The following AKAP7 variants were observed in gnomAD, a reference collection of about 807,000 sequenced individuals.
AKAP7 encodes A-kinase anchoring protein 7.
In AKAP7, 39 loss-of-function variants were observed where a neutral mutation model predicts 39.5. The ratio of observed to expected loss-of-function variants is 0.99; its 90% CI spans 0.76 to 1.29. The LOEUF (loss-of-function observed/expected upper bound fraction) is 1.29, where lower values mean the gene tolerates loss of function less well. Among genes scored for constraint, AKAP7 ranks in the 50% most tolerant of loss-of-function variants. The pLI is 0.00. For missense variants in AKAP7, 414 were observed against 407.7 expected (o/e 1.02, Z -0.13); for synonymous variants, 140 against 139.1 (o/e 1.01, Z -0.05).
At chr6:131,271,789 T>C (rs1366095617) in intron 7 of AKAP7, among the ~76,000 whole-genome samples, 3 of 152,174 alleles carry the variant, frequency 2.0e-5, no homozygotes, top group Non-Finnish European at 4.4e-5. Context: ...CTGTTTAGAA[T>C]AAAAAAGTTC....
chr6:131,273,094 C>G (rs1481742494), intron 7 of AKAP7, among the ~76,000 whole-genome samples: 1 of 152,130 alleles, frequency 6.6e-6, no homozygotes, highest in Admixed American at 6.6e-5. Context: ...AATATCTCTT[C>G]CGGGTAATAC....
chr6:131,279,811 CA>C (rs1163121540), intron 7 of AKAP7, among the ~76,000 whole-genome samples: 2 of 152,150 alleles, frequency 1.3e-5, no homozygotes, highest in Non-Finnish European at 2.9e-5. Context: ...CAGATGTAGA[CA>C]GTCATTTACA....
chr6:131,277,452 C>G (rs1021662636), intron 7 of AKAP7, among the ~76,000 whole-genome samples: 2 of 152,140 alleles, frequency 1.3e-5, no homozygotes, highest in African/African-American at 2.4e-5. Flanking sequence ...GTTGGAATAT[C>G]AAAAGATAGT....
At chr6:131,143,397 T>C (rs1801205767) in intron 1 of AKAP7, among the ~76,000 whole-genome samples, 1 of 152,188 alleles carries the variant, frequency 6.6e-6, no homozygotes, top group Non-Finnish European at 1.5e-5. Context: ...TAAAAGAGGC[T>C]GGCATCTCTG....
intron 6 of AKAP7, among the ~76,000 whole-genome samples, chr6:131,210,599 A>G (rs1274437568): frequency 6.6e-6 from 1 of 152,216 alleles, no homozygotes. Context: ...CCAGAGTATG[A>G]AACTACCTCT....
intron 7 of AKAP7, among the ~76,000 whole-genome samples, chr6:131,237,812 C>T (rs894219688): frequency 1.3e-5 from 2 of 152,070 alleles, no homozygotes; most frequent in African/African-American, 2.4e-5. Flanking sequence ...CTTTATTAGT[C>T]TTGCTAGCAG....
chr6:131,208,416 T>C (rs556212613), intron 6 of AKAP7, among the ~76,000 whole-genome samples: 1 of 152,384 alleles, frequency 6.6e-6, no homozygotes, highest in Admixed American at 6.5e-5. Context: ...AGAAATTGAC[T>C]AAAGTCAGGA....
At chr6:131,189,642 C>G (rs1056299565) in intron 5 of AKAP7, among the ~76,000 whole-genome samples, 1 of 152,030 alleles carries the variant, frequency 6.6e-6, no homozygotes, top group Non-Finnish European at 1.5e-5. Flanking sequence ...TAAAGAAAAT[C>G]TCCTATAGAA....
intron 2 of AKAP7, among the ~76,000 whole-genome samples, chr6:131,148,218 A>G (rs1801630401): frequency 6.6e-6 from 1 of 152,236 alleles, no homozygotes. Flanking sequence ...CCAGTCCACA[A>G]AAGTCTACTT....
intron 5 of AKAP7, among the ~76,000 whole-genome samples, chr6:131,198,331 G>A (rs1807163221): frequency 6.6e-6 from 1 of 152,120 alleles, no homozygotes; most frequent in Non-Finnish European, 1.5e-5. Flanking sequence ...AAAAATGAGG[G>A]CCATATTGAC....
intron 2 of AKAP7, among the ~76,000 whole-genome samples, chr6:131,159,176 C>G (rs1031447294): frequency 1.2e-4 from 18 of 152,130 alleles, no homozygotes; most frequent in African/African-American, 3.9e-4. Flanking sequence ...TCACTCCAAG[C>G]TCTGCCTCCT....
intron 2 of AKAP7, among the ~76,000 whole-genome samples, chr6:131,146,465 TA>T (rs559697456): frequency 7.3e-5 from 11 of 151,670 alleles, no homozygotes; most frequent in South Asian, 6.3e-4. Flanking sequence ...ATAAATAAAT[TA>T]AAAAAAAATC....
chr6:131,174,990 G>T (rs899598412), intron 5 of AKAP7, among the ~76,000 whole-genome samples: 5 of 151,692 alleles, frequency 3.3e-5, no homozygotes, highest in African/African-American at 1.2e-4. Flanking sequence ...TTGACTGAAA[G>T]CCTTATTGAT....
At chr6:131,135,268 T>C (rs1342235483), upstream of AKAP7, among the ~76,000 whole-genome samples, 1 of 152,144 alleles carries the variant, frequency 6.6e-6, no homozygotes, top group Non-Finnish European at 1.5e-5. Context: ...CCACGGGAAA[T>C]AAATGAGGGC....
intron 7 of AKAP7, among the ~76,000 whole-genome samples, chr6:131,263,009 TGGCTAGAA>T (rs1329456778): frequency 6.6e-6 from 1 of 152,164 alleles, no homozygotes; most frequent in Non-Finnish European, 1.5e-5. Context: ...GCCAAAGCAG[TGGCTAGAA>T]TGTTCTGAAG....
At chr6:131,253,172 G>T in intron 7 of AKAP7, 1 of 1,403,566 alleles carries the variant, frequency 7.1e-7, no homozygotes, top group Non-Finnish European at 1.0e-6. Flanking sequence ...TTTGGTGGTG[G>T]TGGTAGATAG....
intron 7 of AKAP7, among the ~76,000 whole-genome samples, chr6:131,226,621 A>G (rs892954123): frequency 6.6e-6 from 1 of 152,216 alleles, no homozygotes; most frequent in African/African-American, 2.4e-5. Flanking sequence ...TTCCATTTGT[A>G]TTTCCCTTGG....
At chr6:131,176,865 C>A (rs1420665773) in intron 5 of AKAP7, among the ~76,000 whole-genome samples, 4 of 152,152 alleles carry the variant, frequency 2.6e-5, no homozygotes, top group Non-Finnish European at 5.9e-5. Context: ...CCCCTAATGG[C>A]TTGGGCTACG....
At chr6:131,168,110 G>A (rs1262813753) in intron 4 of AKAP7, among the ~76,000 whole-genome samples, 1 of 152,054 alleles carries the variant, frequency 6.6e-6, no homozygotes, top group Non-Finnish European at 1.5e-5. Flanking sequence ...GTAAACATTT[G>A]TTTTTATTAA....
Sources: allele counts gnomAD v4.1 joint callset (sites outside exome capture counted in the v4.1 genomes callset), GRCh38; gene constraint gnomAD v4.1.1; transcripts MANE v1.5; gene names NCBI Gene and HGNC (gene_info 2026-07-23, HGNC 2026-07-21).